The following HIPK1 variants were observed in gnomAD, a reference collection of about 807,000 sequenced individuals.
HIPK1 encodes the protein homeodomain-interacting protein kinase 1.
A neutral mutation model predicts 117.1 loss-of-function variants in HIPK1; 28 were observed. That is an observed-to-expected ratio of 0.24 (90% confidence interval 0.18 to 0.33). The LOEUF is 0.33. Ranked by LOEUF, HIPK1 falls within the 10% of genes least tolerant of loss-of-function variation. The pLI, the probability that HIPK1 is intolerant of heterozygous loss-of-function variation, is 1.00. For synonymous variants in HIPK1, 605 were observed against 562.5 expected (o/e 1.08, Z -1.07); for missense variants, 1,122 against 1,475.1 (o/e 0.76, Z 3.92).
intron 2 of HIPK1, among the ~76,000 whole-genome samples, chr1:113,945,600 T>C (rs1054732830): frequency 6.6e-6 from 1 of 152,246 alleles, no homozygotes; most frequent in East Asian, 1.9e-4. Context: ...CCTTTCTGCA[T>C]TGGGTGGTTT....
At chr1:113,930,233 C>T (rs1158688575) in intron 1 of HIPK1, among the ~76,000 whole-genome samples, 1 of 152,280 alleles carries the variant, frequency 6.6e-6, no homozygotes, top group Non-Finnish European at 1.5e-5. Flanking sequence ...TGACAGGGGA[C>T]CGCCTTGCGT....
intron 7 of HIPK1, among the ~76,000 whole-genome samples, chr1:113,957,543 G>A (rs1201496947): frequency 2.6e-5 from 4 of 152,186 alleles, no homozygotes; most frequent in Non-Finnish European, 5.9e-5. Context: ...TGACTATTAT[G>A]CTACTTACTG....
chr1:113,950,923 G>A (rs1307563486), intron 2 of HIPK1, among the ~76,000 whole-genome samples: 6 of 152,140 alleles, frequency 3.9e-5, no homozygotes, highest in African/African-American at 1.4e-4. Flanking sequence ...ACATGCCATT[G>A]ATTATAAGAT....
chr1:113,929,840 G>C lies in HIPK1; in HGVS notation c.-3+308G>C, dbSNP rs1189520060. 8.1e-6 allele frequency: 8 copies of C among 987,322 alleles called. No homozygotes were observed. In the Admixed American group the frequency reaches 2.5e-4, roughly 30 times the overall value. 61.2% of individuals were successfully genotyped at this position (987,322 alleles called of 1,614,324 possible). A position where few individuals can be genotyped will look rare whatever the true frequency, so the allele number is the denominator to read the frequency against. On this transcript the variant is annotated intron_variant, in intron 1 of 15. Coordinates refer to ENST00000426820, the MANE Select transcript of HIPK1 (RefSeq NM_198268.3). ...GGCCGGGGCCCGGGCCGGCTCGCGC[G>C]GGGGGTATGATGACCCGGCTGCGGG... is the stretch of plus-strand genomic sequence containing the variant.
intron 10 of HIPK1, among the ~76,000 whole-genome samples, chr1:113,964,053 C>A (rs6669370): frequency 0.3 from 45,394 of 152,112 alleles, 7,026 homozygotes; most frequent in African/African-American, 0.39. Context: ...TTATTGCTTT[C>A]TCAGTTGATA....
chr1:113,973,026 C>CCAG lies in HIPK1; in HGVS notation c.3151_3153dup (p.Gln1051dup), dbSNP rs1332898512. 3 of 1,514,712 alleles carry CCAG rather than the reference C, an allele frequency of 2.0e-6. No individual in the cohort carries two copies. Among genetic ancestry groups the CCAG allele is most frequent in the Non-Finnish European group, 2.7e-6 (3 of 1,131,944 alleles). The allele number at this position is 1,514,712 out of a possible 1,614,324, so 93.8% of individuals were successfully genotyped here. A position where few individuals can be genotyped will look rare whatever the true frequency, so the allele number is the denominator to read the frequency against. ...CACTTCTTCCTTCTTTCTTCCAGAACCAGCAGTCATCGGCGGCTCCAACCT... is the reference window on the plus strand; with the variant it reads ...CACTTCTTCCTTCTTTCTTCCAGAACCAGCAGCAGTCATCGGCGGCTCCAACCT... On this transcript the variant is annotated inframe_insertion, in exon 16 of 16. Coordinates refer to ENST00000426820, the MANE Select transcript of HIPK1 (RefSeq NM_198268.3).
chr1:113,929,370 C>T lies in HIPK1; in HGVS notation c.-165C>T, dbSNP rs1269021488. On this transcript the variant is annotated 5_prime_UTR_variant, in exon 1 of 16. Coordinates refer to ENST00000426820, the MANE Select transcript of HIPK1 (RefSeq NM_198268.3). The stretch of plus-strand genomic sequence containing the variant: ...GTACCACCGCCAGGCACCTTTAAAT[C>T]ACCGCAGAGTCTGCAGTGCGGAGGG... 4 of 1,289,398 alleles carry T rather than the reference C, an allele frequency of 3.1e-6. No individual in the cohort carries two copies. The highest frequency in any genetic ancestry group is 1.5e-5 in the African/African-American group (1 of 65,874). The allele number at this position is 1,289,398 out of a possible 1,614,324, so 79.9% of individuals were successfully genotyped here. A position where few individuals can be genotyped will look rare whatever the true frequency, so the allele number is the denominator to read the frequency against.
chr1:113,955,657 C>A lies in HIPK1; in HGVS notation c.1407+8C>A, dbSNP rs576467644. The A allele has an allele frequency of 1.1e-5, 17 of 1,513,334 alleles. No individual in the cohort carries two copies. The highest frequency in any genetic ancestry group is 6.8e-5 in the East Asian group (3 of 44,126). 93.7% of individuals were successfully genotyped at this position (1,513,334 alleles called of 1,614,324 possible). On this transcript the variant is annotated splice_region_variant and intron_variant, in intron 5 of 15. Coordinates refer to ENST00000426820, the MANE Select transcript of HIPK1 (RefSeq NM_198268.3). ...TTAGATGACATGGCTCAGGTGAGTA[C>A]GGAAAGTTTCAGAAAGTCAGACATT...
Position 113,972,585 on chromosome 1 carries a change from G to A in HIPK1, c.3145-439G>A, listed in dbSNP as rs540201473. Among the ~76,000 whole-genome samples, 3 of 152,348 alleles carry A rather than the reference G, an allele frequency of 2.0e-5. No individual in the cohort carries two copies. In the South Asian group the frequency reaches 6.2e-4, roughly 32 times the overall value. ...AGAGAGAGCACATGCAAGTGAAAAT[G>A]TAAGTTTGAGTTAGTGCATGTATTT... On this transcript the variant is annotated intron_variant, in intron 15 of 15. Coordinates refer to ENST00000426820, the MANE Select transcript of HIPK1 (RefSeq NM_198268.3).
chr1:113,972,911 T>G, intron 15 of HIPK1, 113 bp from the exon 16 acceptor site: 1 of 1,167,954 alleles, frequency 8.6e-7, no homozygotes, highest in Non-Finnish European at 1.2e-6. Context: ...GGAGATTATG[T>G]GCTATACCCA....
intron 1 of HIPK1, among the ~76,000 whole-genome samples, chr1:113,935,122 G>A (rs531284787): frequency 2.7e-4 from 41 of 150,826 alleles, no homozygotes; most frequent in Non-Finnish European, 4.7e-4. Context: ...ATATTTTGTC[G>A]TCCAGGTAAT....
chr1:113,940,768 G>C lies in HIPK1; in HGVS notation c.385G>C (p.Glu129Gln), dbSNP rs1670595858. 2 of 1,614,076 alleles carry C rather than the reference G, an allele frequency of 1.2e-6. No individual in the cohort carries two copies. Among genetic ancestry groups the C allele is most frequent in the Middle Eastern group, 3.3e-4 (2 of 6,062 alleles). ...ATGTGGATTGAAACGAAAAAGTGAG[G>C]AAGTTGACAGCAACGGTAGTGTGCA... Reference protein sequence around the residue: ...QKCGLKRKSEEVDSNGSVQII... With the variant: ...QKCGLKRKSEQVDSNGSVQII... The change falls in exon 2 of 16, where the codon GAA becomes CAA. Residue 129 changes from glutamate (E) to glutamine (Q), a missense_variant. This residue lies in a region of HIPK1 where 192 missense variants were observed against 234.0 expected (regional missense o/e 0.82). Transcript: ENST00000426820.
chr1:113,958,334 C>A, intron 8 of HIPK1, 43 bp downstream of exon 8: 5 of 1,363,334 alleles, frequency 3.7e-6, no homozygotes, highest in Non-Finnish European at 4.1e-6. Context: ...TGTATCAGAC[C>A]TACCTGCTTT....
At position 113,954,809 on chromosome 1, in the gene HIPK1, AC is replaced by A. The variant is rs1487536229; in HGVS notation, c.1320+43del. 1.9e-6 allele frequency: 3 copies of A among 1,549,108 alleles called. No homozygotes were observed. The Admixed American group carries it at 5.5e-5, about 28-fold the overall frequency. ...ACTATGCTTCCGACTCCTGTACTCCACCCCTCACTCCCCAATTTTGAATTCA... is the reference window on the plus strand; with the variant it reads ...ACTATGCTTCCGACTCCTGTACTCCACCCTCACTCCCCAATTTTGAATTCA... On this transcript the variant is annotated intron_variant, in intron 4 of 15. Transcript: ENST00000426820.
chr1:113,956,053 T>C (rs894878456), intron 5 of HIPK1, among the ~76,000 whole-genome samples: 1 of 151,400 alleles, frequency 6.6e-6, no homozygotes, highest in Admixed American at 6.6e-5. Context: ...CACTATTGCT[T>C]AGCTACTTGT....
chr1:113,972,141 C>G lies in HIPK1; in HGVS notation c.3144+187C>G, dbSNP rs541684759. 65 of 1,487,516 alleles carry G rather than the reference C, an allele frequency of 4.4e-5. No individual in the cohort carries two copies. The South Asian group carries it at 7.1e-4, about 16-fold the overall frequency. 92.1% of individuals were successfully genotyped at this position (1,487,516 alleles called of 1,614,324 possible). ...TCTTCATTCACTCTGTAAGTGTGTT[C>G]AGGATGTACATTCTAGGTTTTCCAT... On this transcript the variant is annotated intron_variant, in intron 15 of 15. Transcript: ENST00000426820.
chr1:113,954,816 A>T, intron 4 of HIPK1, 46 bp downstream of exon 4: 1 of 1,508,646 alleles, frequency 6.6e-7, no homozygotes, highest in Non-Finnish European at 9.1e-7. Context: ...TCCACCCCTC[A>T]CTCCCCAATT....
intron 11 of HIPK1, among the ~76,000 whole-genome samples, chr1:113,966,929 A>G (rs1672491613): frequency 6.8e-6 from 1 of 147,294 alleles, no homozygotes; most frequent in Non-Finnish European, 1.5e-5. Flanking sequence ...CCTACTCTCT[A>G]TGTCCATGAA....
At chr1:113,946,869 T>C (rs930992303) in intron 2 of HIPK1, among the ~76,000 whole-genome samples, 1 of 152,194 alleles carries the variant, frequency 6.6e-6, no homozygotes, top group Non-Finnish European at 1.5e-5. Flanking sequence ...TACTTGATAA[T>C]GAGCCTAAGG....
Sources: allele counts gnomAD v4.1 joint callset (sites outside exome capture counted in the v4.1 genomes callset), GRCh38; gene constraint gnomAD v4.1.1; regional missense constraint gnomAD v4.1.1; transcripts MANE v1.5; gene names NCBI Gene and HGNC (gene_info 2026-07-23, HGNC 2026-07-21).